ANKRD2: variants seen among roughly 807,000 people sequenced by gnomAD.
ANKRD2 encodes the protein ankyrin repeat domain 2, also known as ankyrin repeat domain-containing protein 2.
In ANKRD2, 35 loss-of-function variants were observed where a neutral mutation model predicts 37.3. The observed-to-expected ratio is 0.94, with a 90% confidence interval of 0.72 to 1.24. ANKRD2 has a LOEUF of 1.24. Ranked by LOEUF, ANKRD2 falls within the 50% of genes most tolerant of loss-of-function variation. The pLI is 0.00. For synonymous variants in ANKRD2, 159 were observed against 186.5 expected (o/e 0.85, Z 1.20); for missense variants, 410 against 445.6 (o/e 0.92, Z 0.72).
chr10:97,583,758 C>T lies in ANKRD2; in HGVS notation c.*33C>T. On this transcript the variant is annotated 3_prime_UTR_variant, in exon 9 of 9. Transcript: ENST00000370655. ...CCCCAGCCCAGCCAGCTACCCAGCC[C>T]CTCTCTGTGTGCAGCCGGAGGGTCC... 1 of 1,477,344 alleles carries T rather than the reference C, an allele frequency of 6.8e-7. No homozygotes were observed. Among genetic ancestry groups the T allele is most frequent in the Non-Finnish European group, 9.0e-7 (1 of 1,116,884 alleles). 91.5% of individuals were successfully genotyped at this position (1,477,344 alleles called of 1,614,324 possible).
intron 2 of ANKRD2, 39 bp downstream of exon 2, chr10:97,577,940 C>A (rs1342968319): frequency 5.9e-6 from 9 of 1,523,004 alleles, no homozygotes; most frequent in Non-Finnish European, 7.1e-6. Context: ...CCCAGGGGAC[C>A]AGCCAGGTAG....
chr10:97,572,930 T>C, intron 1 of ANKRD2, 55 bp downstream of exon 1: 1 of 1,522,370 alleles, frequency 6.6e-7, no homozygotes, highest in Non-Finnish European at 8.9e-7. Flanking sequence ...AGTTCTGCTG[T>C]CAAGGGGAGG....
At position 97,582,721 on chromosome 10, in the gene ANKRD2, T is replaced by C. The variant is rs1272035655; in HGVS notation, c.852+19T>C. On this transcript the variant is annotated intron_variant, in intron 8 of 8. Coordinates refer to ENST00000370655, the MANE Select transcript of ANKRD2 (RefSeq NM_001346793.2). ...GAACCTGGTAAGCTCATTCCCTCCT[T>C]GATTCAGTCACTGGCGTGAGCACTC... 1 of 1,611,300 alleles carries C rather than the reference T, an allele frequency of 6.2e-7. No individual in the cohort carries two copies. Among genetic ancestry groups the C allele is most frequent in the East Asian group, 2.2e-5 (1 of 44,866 alleles).
chr10:97,574,232 G>A (rs570078110), intron 1 of ANKRD2, among the ~76,000 whole-genome samples: 2 of 151,144 alleles, frequency 1.3e-5, no homozygotes, highest in South Asian at 4.2e-4. Context: ...GCAGTAAGCC[G>A]AGATCGCACC....
Position 97,583,593 on chromosome 10 carries a change from G to T in ANKRD2, c.870G>T (p.Thr290=), listed in dbSNP as rs752139699. 69 of 1,603,954 alleles carry T rather than the reference G, an allele frequency of 4.3e-5. No individual in the cohort carries two copies. Among genetic ancestry groups the T allele is most frequent in the Non-Finnish European group, 5.7e-5 (67 of 1,176,078 alleles). Residue 290 remains threonine (T), a synonymous_variant, in exon 9 of 9, where the codon ACG becomes ACT. Transcript: ENST00000370655. Reference sequence around the variant, plus strand: ...CCCTCCAGGCAGGAAAGACCCCGACGGACCTGGTGCAGCTCTGGCAGGCTG... The same window carrying T: ...CCCTCCAGGCAGGAAAGACCCCGACTGACCTGGTGCAGCTCTGGCAGGCTG... ...MTKNLAGKTP[T]DLVQLWQADT...
chr10:97,582,127 A>G (rs1351831550), intron 6 of ANKRD2, among the ~76,000 whole-genome samples, 188 bp from the exon 7 acceptor site: 1 of 152,212 alleles, frequency 6.6e-6, no homozygotes, highest in Admixed American at 6.5e-5. Flanking sequence ...AGTGGCATTT[A>G]AGGCTTTAGA....
chr10:97,582,838 G>A (rs1296335383), intron 8 of ANKRD2, 136 bp downstream of exon 8: 2 of 714,502 alleles, frequency 2.8e-6, no homozygotes, highest in Non-Finnish European at 4.8e-6. Flanking sequence ...ACATAAACTT[G>A]TCCTCTTCCA....
At chr10:97,575,069 C>G (rs926839453) in intron 1 of ANKRD2, among the ~76,000 whole-genome samples, 5 of 152,240 alleles carry the variant, frequency 3.3e-5, no homozygotes, top group African/African-American at 9.6e-5. Context: ...AAAGTGGGAG[C>G]TTTGTGTGTT....
At chr10:97,574,608 T>TG (rs2040800928) in intron 1 of ANKRD2, among the ~76,000 whole-genome samples, 1 of 152,100 alleles carries the variant, frequency 6.6e-6, no homozygotes, top group African/African-American at 2.4e-5. Flanking sequence ...AAGGACTTGT[T>TG]GGAAAAGGCT....
At position 97,583,678 on chromosome 10, in the gene ANKRD2, C is replaced by T. The variant is rs1564752886; in HGVS notation, c.955C>T (p.Pro319Ser). 3 of 1,600,016 alleles carry T rather than the reference C, an allele frequency of 1.9e-6. No homozygotes were observed. The highest frequency in any genetic ancestry group is 4.6e-5 in the East Asian group (2 of 43,556). The change falls in exon 9 of 9, where the codon CCT (proline) becomes TCT (serine). Residue 319 changes from proline to serine, a missense_variant. Coordinates refer to ENST00000370655, the MANE Select transcript of ANKRD2 (RefSeq NM_001346793.2). ...PGAEHNGLEG[P>S]NDSGRETPQP... ...GGCTGAGCATAACGGGCTGGAGGGG[C>T]CTAATGATAGTGGGCGAGAGACCCC...
intron 6 of ANKRD2, 112 bp from the exon 7 acceptor site, chr10:97,582,203 G>T: frequency 2.4e-6 from 2 of 840,398 alleles, no homozygotes; most frequent in Non-Finnish European, 3.8e-6. Context: ...CTCAGGCCTT[G>T]GCACTAGGAC....
intron 1 of ANKRD2, among the ~76,000 whole-genome samples, chr10:97,574,083 C>T (rs7342022): frequency 0.37 from 55,861 of 151,828 alleles, 11,253 homozygotes; most frequent in East Asian, 0.56. Flanking sequence ...GTCAAGAGTT[C>T]GAGACTCACC....
chr10:97,582,339 G>A lies in ANKRD2; in HGVS notation c.679G>A (p.Ala227Thr), dbSNP rs930366826. ...DKLLSTPLHV[A>T]VRTGQVEIVE... ...GCTGCTGAGCACCCCGCTGCACGTG[G>A]CAGTCCGGACAGGGCAGGTGGAGAT... is the stretch of plus-strand genomic sequence containing the variant. The change falls in exon 7 of 9, where the codon GCA becomes ACA. Residue 227 changes from alanine to threonine, a missense_variant. By Grantham distance (58) the Ala-to-Thr change is moderately conservative. Coordinates refer to ENST00000370655, the MANE Select transcript of ANKRD2 (RefSeq NM_001346793.2). 1.9e-6 allele frequency: 3 copies of A among 1,558,488 alleles called. No homozygotes were observed. Among genetic ancestry groups the A allele is most frequent in the Admixed American group, 3.9e-5 (2 of 51,830 alleles).
At chr10:97,578,144 G>GCCCCCCCCCCCCCC in intron 2 of ANKRD2, 96 bp from the exon 3 acceptor site, 3 of 685,444 alleles carry the variant, frequency 4.4e-6, no homozygotes, top group Admixed American at 2.6e-5. Flanking sequence ...GGGTCTTCCT[G>GCCCCCCCCCCCCCC]CCCACCCCAC....
chr10:97,578,144 G>GGGCCCCCCCCCCCCCCCCCCC, intron 2 of ANKRD2, 96 bp from the exon 3 acceptor site: 17 of 685,432 alleles, frequency 2.5e-5, no homozygotes, highest in Non-Finnish European at 3.5e-5. Context: ...GGGTCTTCCT[G>GGGCCCCCCCCCCCCCCCCCCC]CCCACCCCAC....
Position 97,583,842 on chromosome 10 carries a change from C to G in ANKRD2, c.*117C>G. 8.5e-7 allele frequency: 1 copy of G among 1,173,598 alleles called. No homozygotes were observed. Among genetic ancestry groups the G allele is most frequent in the Admixed American group, 3.6e-5 (1 of 27,572 alleles). 72.7% of individuals were successfully genotyped at this position (1,173,598 alleles called of 1,614,324 possible). A position where few individuals can be genotyped will look rare whatever the true frequency, so the allele number is the denominator to read the frequency against. Reference sequence around the variant, plus strand: ...GCCTTTTTTCTGCATGATCCAGGAGCACATACCACAAACTACCACAATAAA... The same window carrying G: ...GCCTTTTTTCTGCATGATCCAGGAGGACATACCACAAACTACCACAATAAA... On this transcript the variant is annotated 3_prime_UTR_variant, in exon 9 of 9. Transcript: ENST00000370655.
At chr10:97,576,978 G>A (rs1354286168) in intron 1 of ANKRD2, among the ~76,000 whole-genome samples, 1 of 151,544 alleles carries the variant, frequency 6.6e-6, no homozygotes, top group Non-Finnish European at 1.5e-5. Context: ...GATTATAGGC[G>A]TGAGCCACTG....
At chr10:97,576,872 T>G (rs1288820317) in intron 1 of ANKRD2, among the ~76,000 whole-genome samples, 2 of 151,894 alleles carry the variant, frequency 1.3e-5, no homozygotes, top group Non-Finnish European at 1.5e-5. Context: ...AATTTTTGTA[T>G]TTTTAGTAGG....
rs774616303 is a variant in ANKRD2 at position 97,582,336 on chromosome 10, G to T, written c.676G>T (p.Val226Leu). ...CCAGCTGCTGAGCACCCCGCTGCAC[G>T]TGGCAGTCCGGACAGGGCAGGTGGA... ...RDKLLSTPLHVAVRTGQVEIV... is the reference protein window; with the variant it reads ...RDKLLSTPLHLAVRTGQVEIV... Residue 226 changes from valine (V) to leucine (L), a missense_variant, in exon 7 of 9, where the codon GTG becomes TTG. Transcript: ENST00000370655. 1.3e-6 allele frequency: 2 copies of T among 1,557,874 alleles called. No individual in the cohort carries two copies. The highest frequency in any genetic ancestry group is 2.7e-5 in the African/African-American group (2 of 73,422).
Sources: allele counts gnomAD v4.1 joint callset (sites outside exome capture counted in the v4.1 genomes callset), GRCh38; gene constraint gnomAD v4.1.1; transcripts MANE v1.5; gene names NCBI Gene and HGNC (gene_info 2026-07-23, HGNC 2026-07-21).